Variants in DSTYK observed in about 807,000 individuals in gnomAD.
The protein encoded by DSTYK is dual serine/threonine and tyrosine protein kinase, also known as RIP-homologous kinase.
In DSTYK, 34 loss-of-function variants were observed where a neutral mutation model predicts 98.7. The observed-to-expected ratio is 0.34, with a 90% CI of 0.26 to 0.46. DSTYK has a LOEUF of 0.46. DSTYK is among the 20% of genes least tolerant of loss of function. The pLI is 1.00. For missense variants in DSTYK, 962 were observed against 1,181.7 expected (o/e 0.81, Z 2.73); for synonymous variants, 462 against 457.3 (o/e 1.01, Z -0.13).
rs143293845 is a variant in DSTYK at position 205,175,382 on chromosome 1, G to A, written c.655-5550C>T. 5.8e-4 allele frequency among the ~76,000 whole-genome samples: 88 copies of A among 152,292 alleles called. 1 individual carries two copies. In the East Asian group the frequency reaches 0.012, roughly 21 times the overall value. ...GCTGGGATTACAGGCGTGAGCCACCGTGCCCGCCAGAAGCTGCCTATTCCT... is the reference window on the plus strand; with the variant it reads ...GCTGGGATTACAGGCGTGAGCCACCATGCCCGCCAGAAGCTGCCTATTCCT... On this transcript the variant is annotated intron_variant, in intron 2 of 12. Transcript: ENST00000367162.
chr1:205,197,368 T>C (rs1433740098), intron 1 of DSTYK, among the ~76,000 whole-genome samples: 6 of 152,032 alleles, frequency 3.9e-5, no homozygotes, highest in African/African-American at 1.5e-4. Context: ...ACATCTAATA[T>C]AGATCAGGAA....
chr1:205,163,062 A>C, intron 4 of DSTYK, 56 bp from the exon 5 acceptor site: 4 of 1,394,922 alleles, frequency 2.9e-6, no homozygotes, highest in Non-Finnish European at 4.1e-6. Flanking sequence ...TATTTTAAAA[A>C]TGCAATAAAT....
chr1:205,163,834 G>A lies in DSTYK; in HGVS notation c.1446C>T (p.Ser482=), dbSNP rs1657807380. 6.2e-7 allele frequency: 1 copy of A among 1,614,158 alleles called. No individual in the cohort carries two copies. Among genetic ancestry groups the A allele is most frequent in the East Asian group, 2.2e-5 (1 of 44,886 alleles). The change falls in exon 4 of 13, where the codon AGC becomes AGT. Residue 482 remains serine (S), a synonymous_variant. Transcript: ENST00000367162. Reference sequence around the variant, plus strand: ...AGCTTTCCCTCAGGTAATCCACTGAGCTGATCAGCTTATTAGCCACTGCCT... The same window carrying A: ...AGCTTTCCCTCAGGTAATCCACTGAACTGATCAGCTTATTAGCCACTGCCT... The part of the protein sequence containing the change: ...LNQAVANKLI[S]SVDYLRESFV...
intron 9 of DSTYK, among the ~76,000 whole-genome samples, chr1:205,159,260 T>C (rs1657645215): frequency 6.6e-6 from 1 of 152,060 alleles, no homozygotes; most frequent in African/African-American, 2.4e-5. Context: ...CAGCTAACTT[T>C]TAATTTTTTA....
chr1:205,148,452 A>C, intron 11 of DSTYK, 113 bp from the exon 12 acceptor site: 1 of 1,319,802 alleles, frequency 7.6e-7, no homozygotes, highest in Non-Finnish European at 1.0e-6. Context: ...AACAACTATT[A>C]TCTCTCAATA....
At position 205,147,474 on chromosome 1, in the gene DSTYK, G is replaced by T; in HGVS notation, c.*84C>A. ...AGTTCCCTTGGGAGTGTGTCCTATA[G>T]TGAATAAATGTCAAATTCTCCCCAT... On this transcript the variant is annotated 3_prime_UTR_variant, in exon 13 of 13. Coordinates refer to ENST00000367162, the MANE Select transcript of DSTYK (RefSeq NM_015375.3). 6.8e-7 allele frequency: 1 copy of T among 1,468,240 alleles called. No individual in the cohort carries two copies. Among genetic ancestry groups the T allele is most frequent in the Non-Finnish European group, 9.3e-7 (1 of 1,072,954 alleles). 91.0% of individuals were successfully genotyped at this position (1,468,240 alleles called of 1,614,324 possible).
chr1:205,209,042 A>G (rs1336040864), intron 1 of DSTYK, among the ~76,000 whole-genome samples: 1 of 152,204 alleles, frequency 6.6e-6, no homozygotes, highest in Non-Finnish European at 1.5e-5. Flanking sequence ...TGGTGAAGAG[A>G]GTTAAATACG....
chr1:205,157,719 G>A (rs1657603798), intron 9 of DSTYK, among the ~76,000 whole-genome samples: 1 of 148,490 alleles, frequency 6.7e-6, no homozygotes, highest in African/African-American at 2.5e-5. Context: ...TTGAGATGGT[G>A]CCACTGCACT....
intron 1 of DSTYK, among the ~76,000 whole-genome samples, chr1:205,209,104 C>CT (rs1659289351): frequency 6.6e-6 from 1 of 152,108 alleles, no homozygotes; most frequent in Non-Finnish European, 1.5e-5. Flanking sequence ...AAGTGAAATG[C>CT]AAAGGTATAT....
chr1:205,198,532 G>C (rs567903100), intron 1 of DSTYK, among the ~76,000 whole-genome samples: 2 of 151,884 alleles, frequency 1.3e-5, no homozygotes, highest in Admixed American at 6.6e-5. Context: ...CCTAGATATC[G>C]CCATAATATT....
Position 205,147,498 on chromosome 1 carries a change from A to G in DSTYK, c.*60T>C, listed in dbSNP as rs1657270567. The G allele has an allele frequency of 6.5e-7, 1 of 1,548,454 alleles. No homozygotes were observed. The highest frequency in any genetic ancestry group is 8.8e-7 in the Non-Finnish European group (1 of 1,136,494). ...AGTGAATAAATGTCAAATTCTCCCC[A>G]TGGCCAAAAGGTGAGGGGGAAGGAA... is the stretch of plus-strand genomic sequence containing the variant. On this transcript the variant is annotated 3_prime_UTR_variant, in exon 13 of 13. Coordinates refer to ENST00000367162, the MANE Select transcript of DSTYK (RefSeq NM_015375.3).
At chr1:205,155,812 CT>C (rs1020857951) in intron 10 of DSTYK, among the ~76,000 whole-genome samples, 3 of 152,184 alleles carry the variant, frequency 2.0e-5, no homozygotes, top group African/African-American at 7.2e-5. Context: ...TGTCAGAGAC[CT>C]TAACAGCAGC....
Position 205,159,546 on chromosome 1 carries a change from C to T in DSTYK, c.2238+1G>A, listed in dbSNP as rs376201674. The T allele has an allele frequency of 1.2e-6, 2 of 1,609,900 alleles. No homozygotes were observed. Among genetic ancestry groups the T allele is most frequent in the African/African-American group, 2.7e-5 (2 of 74,890 alleles). On this transcript the variant is annotated splice_donor_variant, in intron 9 of 12. Transcript: ENST00000367162. LOFTEE classifies it high-confidence loss of function. ...CCAGCTGGATCTTGCTCTCTCCTTA[C>T]CTTCAGCCCTGTGTAGAGATCCCGG... is the stretch of plus-strand genomic sequence containing the variant.
At chr1:205,171,067 C>A (rs1261232259) in intron 2 of DSTYK, among the ~76,000 whole-genome samples, 1 of 150,678 alleles carries the variant, frequency 6.6e-6, no homozygotes, top group African/African-American at 2.4e-5. Flanking sequence ...TCTTTAAGTT[C>A]CTGGTTTTTT....
At chr1:205,183,202 A>G (rs1483732551) in intron 2 of DSTYK, among the ~76,000 whole-genome samples, 1 of 152,186 alleles carries the variant, frequency 6.6e-6, no homozygotes, top group African/African-American at 2.4e-5. Flanking sequence ...ACATGCTTGA[A>G]GGAAAGGCAG....
Position 205,187,373 on chromosome 1 carries a change from C to A in DSTYK, c.654+45G>T, listed in dbSNP as rs774918329. The A allele has an allele frequency of 1.6e-5, 24 of 1,524,988 alleles. No individual in the cohort carries two copies. In the Middle Eastern group the frequency reaches 5.3e-4, roughly 34 times the overall value. 94.5% of individuals were successfully genotyped at this position (1,524,988 alleles called of 1,614,324 possible). On this transcript the variant is annotated intron_variant, in intron 2 of 12. Transcript: ENST00000367162. ...TTAGAAAGTCAAAATAAAAGGAAAG[C>A]TGGTATATATGTATACAATTGGTAT...
In DSTYK at chr1:205,144,034, A is replaced by G. The variant is rs1158525033; in HGVS notation, c.*3524T>C. 1 of 152,668 alleles carries G rather than the reference A, an allele frequency of 6.6e-6. No individual in the cohort carries two copies. Among genetic ancestry groups the G allele is most frequent in the African/African-American group, 2.4e-5 (1 of 41,454 alleles). The allele number at this position is 152,668 out of a possible 1,614,324, so 9.5% of individuals were successfully genotyped here. ...ACTCTTTGCAGAGGATCAGGGAACT[A>G]AGGTATGCCTGGGGAAACCCCACCC... On this transcript the variant is annotated 3_prime_UTR_variant, in exon 13 of 13. Coordinates refer to ENST00000367162, the MANE Select transcript of DSTYK (RefSeq NM_015375.3).
chr1:205,176,401 A>G (rs971790970), intron 2 of DSTYK, among the ~76,000 whole-genome samples: 6 of 141,248 alleles, frequency 4.2e-5, no homozygotes, highest in East Asian at 2.4e-4. Flanking sequence ...GCTTGAGCCC[A>G]GGAGGCGGAG....
Position 205,144,129 on chromosome 1 carries a change from G to A in DSTYK, c.*3429C>T, listed in dbSNP as rs1383169282. The stretch of plus-strand genomic sequence containing the variant: ...CAGGGTCAGCCATTCCAGGGCCCCA[G>A]GCTCCACCATTTCTCCTGACTGCTC... On this transcript the variant is annotated 3_prime_UTR_variant, in exon 13 of 13. Transcript: ENST00000367162. 6.6e-6 allele frequency: 1 copy of A among 152,316 alleles called. No individual in the cohort carries two copies. The highest frequency in any genetic ancestry group is 1.5e-5 in the Non-Finnish European group (1 of 68,044). The allele number at this position is 152,316 out of a possible 1,614,324, so 9.4% of individuals were successfully genotyped here. A position where few individuals can be genotyped will look rare whatever the true frequency, so the allele number is the denominator to read the frequency against.
Sources: allele counts gnomAD v4.1 joint callset (sites outside exome capture counted in the v4.1 genomes callset), GRCh38; gene constraint gnomAD v4.1.1; transcripts MANE v1.5; gene names NCBI Gene and HGNC (gene_info 2026-07-23, HGNC 2026-07-21).